Variants in GALNT13 observed in about 807,000 individuals in gnomAD.
GALNT13 encodes UDP-GalNAc:polypeptide N-acetylgalactosaminyltransferase 13.
Under a neutral mutation model 64.2 loss-of-function variants are expected in GALNT13, and 28 were observed. The observed-to-expected ratio is 0.44, with a 90% confidence interval of 0.32 to 0.60. GALNT13 has a LOEUF of 0.60. Among genes scored for constraint, GALNT13 ranks in the 20% least tolerant of loss-of-function variants. The probability of loss-of-function intolerance (pLI) is 0.05; values close to 1 mark genes in which losing one functional copy is unlikely to be tolerated. For missense variants in GALNT13, 577 were observed against 669.8 expected (o/e 0.86, Z 1.53); for synonymous variants, 214 against 224.6 (o/e 0.95, Z 0.42).
At chr2:154,294,372 G>A (rs993877845) in intron 8 of GALNT13, among the ~76,000 whole-genome samples, 4 of 152,120 alleles carry the variant, frequency 2.6e-5, no homozygotes, top group Non-Finnish European at 5.9e-5. Flanking sequence ...CTGAACTTTC[G>A]TATATCCTTA....
intron 3 of GALNT13, among the ~76,000 whole-genome samples, chr2:154,061,671 C>T (rs910513558): frequency 6.6e-6 from 1 of 151,974 alleles, no homozygotes; most frequent in Admixed American, 6.6e-5. Flanking sequence ...ACATTTCTAG[C>T]GTAGTTTTGA....
At chr2:154,428,328 T>TG (rs1700557013) in intron 11 of GALNT13, among the ~76,000 whole-genome samples, 1 of 152,200 alleles carries the variant, frequency 6.6e-6, no homozygotes, top group East Asian at 1.9e-4. Flanking sequence ...GCGAAGCAGT[T>TG]GGCAAAATTC....
chr2:153,316,018 A>G, the GALNT13 span, among the ~76,000 whole-genome samples: 1 of 152,142 alleles, frequency 6.6e-6, no homozygotes, highest in East Asian at 1.9e-4. Flanking sequence ...TAAAGGATGG[A>G]CAGTAAACAC....
chr2:154,260,649 G>T (rs567931972), intron 8 of GALNT13, among the ~76,000 whole-genome samples: 2 of 152,196 alleles, frequency 1.3e-5, no homozygotes, highest in East Asian at 3.9e-4. Context: ...ACTCTTTGCA[G>T]GAATTTTGAG....
intron 3 of GALNT13, among the ~76,000 whole-genome samples, chr2:154,129,907 G>A (rs1356707933): frequency 6.6e-6 from 1 of 152,022 alleles, no homozygotes; most frequent in Non-Finnish European, 1.5e-5. Flanking sequence ...GAACCTGTTA[G>A]CTACTGCTCA....
the GALNT13 span, among the ~76,000 whole-genome samples, chr2:153,288,824 A>G: frequency 6.6e-6 from 1 of 152,238 alleles, no homozygotes; most frequent in Non-Finnish European, 1.5e-5. Flanking sequence ...TCAGGCATTC[A>G]TAAGGGATCT....
intron 9 of GALNT13, among the ~76,000 whole-genome samples, chr2:154,318,994 G>A (rs373052126): frequency 3.6e-4 from 55 of 152,158 alleles, no homozygotes; most frequent in African/African-American, 1.2e-3. Flanking sequence ...AATATTCATT[G>A]TACTGGTAAA....
downstream of GALNT13, among the ~76,000 whole-genome samples, chr2:154,456,242 G>A (rs57126364): frequency 6.7e-3 from 1,012 of 150,856 alleles, 8 homozygotes; most frequent in African/African-American, 0.023. Context: ...AGCTAGAAAG[G>A]AGTAATTTCA....
the GALNT13 span, among the ~76,000 whole-genome samples, chr2:153,726,308 C>T: frequency 6.6e-6 from 1 of 151,940 alleles, no homozygotes; most frequent in African/African-American, 2.4e-5. Flanking sequence ...TCTTTAGTAA[C>T]TCTCATAGAT....
chr2:153,088,476 A>G, the GALNT13 span, among the ~76,000 whole-genome samples: 209 of 152,100 alleles, frequency 1.4e-3, 1 homozygote, highest in South Asian at 2.5e-3. Context: ...GTCTAAGTCT[A>G]TTTGTTCTAG....
the GALNT13 span, among the ~76,000 whole-genome samples, chr2:153,681,844 G>A: frequency 1.3e-5 from 2 of 151,764 alleles, no homozygotes; most frequent in Admixed American, 6.6e-5. Flanking sequence ...AAGAGAAAAT[G>A]TTTTAGGCTT....
At chr2:154,043,858 A>G (rs1366415078) in intron 3 of GALNT13, among the ~76,000 whole-genome samples, 1 of 152,054 alleles carries the variant, frequency 6.6e-6, no homozygotes, top group Non-Finnish European at 1.5e-5. Context: ...ACCCCAGCAC[A>G]TTAAGAGGCC....
At chr2:153,841,201 A>G in the GALNT13 span, among the ~76,000 whole-genome samples, 1 of 152,146 alleles carries the variant, frequency 6.6e-6, no homozygotes, top group African/African-American at 2.4e-5. Context: ...TTTTCCTTCT[A>G]TAGAGGAATT....
the GALNT13 span, among the ~76,000 whole-genome samples, chr2:153,619,476 GT>G: frequency 2.6e-5 from 4 of 151,986 alleles, no homozygotes; most frequent in South Asian, 2.1e-4. Context: ...AATATTCTGA[GT>G]TTTTTTCTGT....
chr2:153,495,098 C>CT, the GALNT13 span, among the ~76,000 whole-genome samples: 4 of 151,766 alleles, frequency 2.6e-5, no homozygotes, highest in African/African-American at 9.7e-5. Context: ...TTTTGCCTTT[C>CT]TTTTTTTTCC....
chr2:153,956,023 A>C (rs1369135799), intron 3 of GALNT13, among the ~76,000 whole-genome samples: 6 of 152,184 alleles, frequency 3.9e-5, no homozygotes, highest in Non-Finnish European at 8.8e-5. Flanking sequence ...AAAACCCAAA[A>C]TCCATAGGCC....
chr2:153,597,071 C>T, the GALNT13 span, among the ~76,000 whole-genome samples: 11 of 152,216 alleles, frequency 7.2e-5, no homozygotes, highest in South Asian at 2.1e-3. Flanking sequence ...ATTCTTTTCT[C>T]ATTTCTATTC....
intron 6 of GALNT13, among the ~76,000 whole-genome samples, chr2:154,245,441 T>C (rs1689729370): frequency 6.6e-6 from 1 of 152,180 alleles, no homozygotes; most frequent in South Asian, 2.1e-4. Flanking sequence ...CATCCCTTCT[T>C]ACCTCCCTGA....
the GALNT13 span, among the ~76,000 whole-genome samples, chr2:153,736,631 A>T: frequency 1.3e-5 from 2 of 151,930 alleles, no homozygotes. Context: ...TTCTCTATCT[A>T]TCTATCTATC....
Sources: gnomAD v4.1 joint callset for allele counts (sites outside exome capture counted in the v4.1 genomes callset) on GRCh38, gnomAD v4.1.1 for gene constraint, MANE v1.5 for transcripts, NCBI Gene and HGNC (gene_info 2026-07-23, HGNC 2026-07-21) for gene names.